Variants in RAP2A observed in about 807,000 individuals in gnomAD.
RAP2A encodes the protein ras-related protein Rap-2a.
RAP2A carries 5 observed loss-of-function variants against 15.1 expected under a neutral mutation model. The observed-to-expected ratio is 0.33, with a 90% CI of 0.17 to 0.70. The LOEUF (loss-of-function observed/expected upper bound fraction) is 0.70, where lower values mean the gene tolerates loss of function less well. RAP2A is among the 30% of genes least tolerant of loss of function. The pLI is 0.68. For missense variants in RAP2A, 111 were observed against 240.3 expected, an observed-to-expected ratio of 0.46 and a Z score of 3.56; for synonymous variants, 110 against 99.7, an observed-to-expected ratio of 1.10 and a Z score of -0.62.
intron 1 of RAP2A, among the ~76,000 whole-genome samples, chr13:97,456,118 A>C (rs891624154): frequency 1.4e-5 from 2 of 144,548 alleles, no homozygotes; most frequent in African/African-American, 5.2e-5. Flanking sequence ...TGAACTGTGA[A>C]ATAAGAAGGA....
chr13:97,439,993 G>A (rs995385351), intron 1 of RAP2A, among the ~76,000 whole-genome samples: 2 of 152,076 alleles, frequency 1.3e-5, no homozygotes, highest in Non-Finnish European at 2.9e-5. Flanking sequence ...ACCATAAGTA[G>A]CTATTAAAGC....
chr13:97,458,507 T>C (rs756703389), intron 1 of RAP2A, among the ~76,000 whole-genome samples: 1 of 152,134 alleles, frequency 6.6e-6, no homozygotes, highest in African/African-American at 2.4e-5. Context: ...GGTCACAAAG[T>C]AGTAGATTAG....
rs2066767920 is a variant in RAP2A, at chr13:97,465,728, TGG to T, written c.*1287_*1288del. ...AAAGGTGCTCAAGCTCTGACATTTT[TGG>T]TTTTCATAGTCGTGAAGTATTTATC... On this transcript the variant is annotated 3_prime_UTR_variant, in exon 2 of 2. Transcript: ENST00000245304. 1 of 152,254 alleles carries T rather than the reference TGG, an allele frequency of 6.6e-6. No individual in the cohort carries two copies. Among genetic ancestry groups the T allele is most frequent in the South Asian group, 2.1e-4 (1 of 4,838 alleles). 9.4% of individuals were successfully genotyped at this position (152,254 alleles called of 1,614,324 possible).
chr13:97,451,020 C>A (rs2066700294), intron 1 of RAP2A, among the ~76,000 whole-genome samples: 2 of 152,048 alleles, frequency 1.3e-5, no homozygotes, highest in South Asian at 4.1e-4. Flanking sequence ...CAGTCTTTAG[C>A]CAGTTTTGGA....
At chr13:97,453,200 T>C (rs542909845) in intron 1 of RAP2A, among the ~76,000 whole-genome samples, 2 of 151,540 alleles carry the variant, frequency 1.3e-5, no homozygotes, top group Non-Finnish European at 2.9e-5. Flanking sequence ...TTACATGCAG[T>C]TTTATGAAAT....
rs948710886 is a variant in RAP2A at position 97,465,198 on chromosome 13, C to T, written c.*756C>T. ...TCAGAATTAAAACCCCAAACCCGCCCTCTGTTAGGGGTGGTCTTTATAACT... is the reference window on the plus strand; with the variant it reads ...TCAGAATTAAAACCCCAAACCCGCCTTCTGTTAGGGGTGGTCTTTATAACT... On this transcript the variant is annotated 3_prime_UTR_variant, in exon 2 of 2. Transcript: ENST00000245304. The T allele has an allele frequency of 2.0e-5, 3 of 152,524 alleles. No individual in the cohort carries two copies. The highest frequency in any genetic ancestry group is 7.2e-5 in the African/African-American group (3 of 41,448). The allele number at this position is 152,524 out of a possible 1,614,324, so 9.4% of individuals were successfully genotyped here. A position where few individuals can be genotyped will look rare whatever the true frequency, so the allele number is the denominator to read the frequency against.
At chr13:97,452,027 CA>C (rs764205948) in intron 1 of RAP2A, among the ~76,000 whole-genome samples, 5 of 151,134 alleles carry the variant, frequency 3.3e-5, no homozygotes, top group African/African-American at 4.9e-5. Context: ...ATTCTGGACA[CA>C]AGTTCTTTAT....
intron 1 of RAP2A, among the ~76,000 whole-genome samples, chr13:97,440,107 C>G (rs867830178): frequency 1.3e-5 from 2 of 151,962 alleles, no homozygotes; most frequent in African/African-American, 4.8e-5. Context: ...CAAAAGATGT[C>G]TGTCCCAAGT....
chr13:97,437,470 T>C (rs1465354839), intron 1 of RAP2A: 1 of 152,198 alleles, frequency 6.6e-6, no homozygotes, highest in Non-Finnish European at 1.5e-5. Context: ...TAGAATTAAA[T>C]GAGATAATGT....
intron 1 of RAP2A, among the ~76,000 whole-genome samples, chr13:97,451,409 C>T (rs1490971153): frequency 6.6e-6 from 1 of 152,132 alleles, no homozygotes; most frequent in Non-Finnish European, 1.5e-5. Context: ...TACTCAGAGA[C>T]CACCATAAAT....
At chr13:97,461,773 C>A (rs1225902804) in intron 1 of RAP2A, among the ~76,000 whole-genome samples, 1 of 151,596 alleles carries the variant, frequency 6.6e-6, no homozygotes, top group Non-Finnish European at 1.5e-5. Flanking sequence ...ACCATCCTAG[C>A]TAACACGATG....
intron 1 of RAP2A, among the ~76,000 whole-genome samples, chr13:97,450,308 C>G (rs982039626): frequency 6.6e-6 from 1 of 152,120 alleles, no homozygotes; most frequent in Non-Finnish European, 1.5e-5. Flanking sequence ...TTTCAAATAA[C>G]TTGCCTATTC....
chr13:97,439,040 T>G (rs951772734), intron 1 of RAP2A, among the ~76,000 whole-genome samples: 30 of 152,106 alleles, frequency 2.0e-4, no homozygotes, highest in African/African-American at 6.8e-4. Flanking sequence ...AATACGAACC[T>G]CAAAGAATCA....
chr13:97,446,741 C>T (rs1397284118), intron 1 of RAP2A, among the ~76,000 whole-genome samples: 1 of 152,176 alleles, frequency 6.6e-6, no homozygotes, highest in Non-Finnish European at 1.5e-5. Flanking sequence ...GGAGGGAGCT[C>T]CCTTCCAGCC....
intron 1 of RAP2A, among the ~76,000 whole-genome samples, chr13:97,443,870 A>G (rs1165024872): frequency 6.6e-6 from 1 of 152,228 alleles, no homozygotes; most frequent in African/African-American, 2.4e-5. Context: ...GCAAGTTGAC[A>G]TTCCTTGCAT....
At chr13:97,461,803 T>C (rs992556286) in intron 1 of RAP2A, among the ~76,000 whole-genome samples, 4 of 151,028 alleles carry the variant, frequency 2.6e-5, no homozygotes, top group Non-Finnish European at 4.4e-5. Context: ...CTCTACTAAA[T>C]ATACAAAAAA....
At chr13:97,450,669 AAG>A (rs1445784814) in intron 1 of RAP2A, among the ~76,000 whole-genome samples, 1 of 152,094 alleles carries the variant, frequency 6.6e-6, no homozygotes, top group Admixed American at 6.5e-5. Flanking sequence ...AAAAAAAAAA[AAG>A]AATCAATTAG....
intron 1 of RAP2A, among the ~76,000 whole-genome samples, chr13:97,448,643 T>C (rs750907374): frequency 1.3e-5 from 2 of 152,224 alleles, no homozygotes; most frequent in Non-Finnish European, 2.9e-5. Context: ...CAGCTCTCTC[T>C]TGTGGTACAC....
At chr13:97,448,422 G>A (rs185821443) in intron 1 of RAP2A, among the ~76,000 whole-genome samples, 47 of 152,146 alleles carry the variant, frequency 3.1e-4, no homozygotes, top group African/African-American at 6.5e-4. Context: ...GCTGTAGGGC[G>A]GGAGGCTGTA....
Sources: gnomAD v4.1 joint callset for allele counts (sites outside exome capture counted in the v4.1 genomes callset) on GRCh38, gnomAD v4.1.1 for gene constraint, MANE v1.5 for transcripts, NCBI Gene and HGNC (gene_info 2026-07-23, HGNC 2026-07-21) for gene names.